The following RAD51B variants were observed in gnomAD, a reference collection of about 807,000 sequenced individuals.
The protein encoded by RAD51B is RAD51 paralog B.
In RAD51B, 38 loss-of-function variants were observed where a neutral mutation model predicts 42.2. That is an observed-to-expected ratio of 0.90 (90% CI 0.70 to 1.18). The LOEUF (loss-of-function observed/expected upper bound fraction) is 1.18. Ranked by LOEUF, RAD51B falls within the 50% of genes most tolerant of loss-of-function variation. The pLI, the probability that RAD51B is intolerant of heterozygous loss-of-function variation, is 0.00. For missense variants in RAD51B, 373 were observed against 400.7 expected (o/e 0.93, Z 0.59); for synonymous variants, 154 against 145.2 (o/e 1.06, Z -0.43).
At chr14:68,556,020 A>G (rs1888824955) in intron 10 of RAD51B, among the ~76,000 whole-genome samples, 2 of 152,288 alleles carry the variant, frequency 1.3e-5, no homozygotes, top group South Asian at 4.1e-4. Flanking sequence ...ATAGAAGGGA[A>G]GAGAAGAAGG....
intron 10 of RAD51B, among the ~76,000 whole-genome samples, chr14:68,474,729 G>A (rs1025734174): frequency 6.6e-6 from 1 of 152,180 alleles, no homozygotes; most frequent in African/African-American, 2.4e-5. Context: ...GATACTTCAG[G>A]CCTGTCCTGA....
chr14:68,473,258 C>A (rs1156593003), intron 10 of RAD51B, among the ~76,000 whole-genome samples: 1 of 152,214 alleles, frequency 6.6e-6, no homozygotes, highest in Admixed American at 6.5e-5. Context: ...CTCAATGGAG[C>A]AAAGAGAGTG....
chr14:68,241,114 G>A (rs909296962), intron 7 of RAD51B, among the ~76,000 whole-genome samples: 1 of 152,182 alleles, frequency 6.6e-6, no homozygotes, highest in Admixed American at 6.5e-5. Flanking sequence ...TCTGGGAGGC[G>A]GAGAAACCCA....
At chr14:68,612,230 C>A (rs1891706358), downstream of RAD51B, among the ~76,000 whole-genome samples, 1 of 152,218 alleles carries the variant, frequency 6.6e-6, no homozygotes, top group Admixed American at 6.5e-5. Context: ...CCAGCTGTCT[C>A]AATGGGGCCC....
At chr14:68,037,704 C>G (rs1257472703) in intron 7 of RAD51B, among the ~76,000 whole-genome samples, 1 of 152,228 alleles carries the variant, frequency 6.6e-6, no homozygotes, top group East Asian at 1.9e-4. Flanking sequence ...CCTCCAACAT[C>G]TCCAGTTGGT....
intron 7 of RAD51B, among the ~76,000 whole-genome samples, chr14:68,058,410 C>G (rs2076515118): frequency 6.6e-6 from 1 of 152,126 alleles, no homozygotes; most frequent in Non-Finnish European, 1.5e-5. Flanking sequence ...TTTTAAAAGT[C>G]TCTCTGCCAT....
intron 10 of RAD51B, among the ~76,000 whole-genome samples, chr14:68,617,729 T>G (rs1205472629): frequency 6.6e-6 from 1 of 152,236 alleles, no homozygotes; most frequent in Non-Finnish European, 1.5e-5. Context: ...TGTATTTTCT[T>G]TATCTCATGG....
intron 10 of RAD51B, among the ~76,000 whole-genome samples, chr14:68,648,115 A>ATATATACGTGTGTG (rs1566963581): frequency 1.7e-4 from 14 of 81,266 alleles, no homozygotes; most frequent in Admixed American, 8.9e-4. Flanking sequence ...ACACACACGT[A>ATATATACGTGTGTG]TATATATATA....
chr14:68,147,066 G>A (rs574870463), intron 7 of RAD51B, among the ~76,000 whole-genome samples: 1 of 152,164 alleles, frequency 6.6e-6, no homozygotes, highest in East Asian at 1.9e-4. Context: ...TGAAATAGTT[G>A]TGGTGGCAAA....
At chr14:68,261,122 A>C (rs1391134115) in intron 7 of RAD51B, among the ~76,000 whole-genome samples, 1 of 152,192 alleles carries the variant, frequency 6.6e-6, no homozygotes, top group Non-Finnish European at 1.5e-5. Flanking sequence ...GCACCTCCTC[A>C]AGGCTGTGTG....
At chr14:67,896,550 T>C (rs2043425462) in intron 7 of RAD51B, among the ~76,000 whole-genome samples, 2 of 152,238 alleles carry the variant, frequency 1.3e-5, no homozygotes, top group Non-Finnish European at 2.9e-5. Context: ...TTCTATGTTA[T>C]GATTTTTAAC....
intron 4 of RAD51B, among the ~76,000 whole-genome samples, chr14:67,856,556 G>T (rs978821956): frequency 6.6e-6 from 1 of 152,106 alleles, no homozygotes; most frequent in Non-Finnish European, 1.5e-5. Context: ...ACTGGTTTCA[G>T]ATCAGAGCCA....
chr14:68,293,796 A>T (rs1406223940), intron 8 of RAD51B, among the ~76,000 whole-genome samples: 2 of 152,196 alleles, frequency 1.3e-5, no homozygotes, highest in Admixed American at 1.3e-4. Context: ...TTAACTTTTC[A>T]TGTTTTTCTG....
intron 7 of RAD51B, among the ~76,000 whole-genome samples, chr14:68,235,055 C>T (rs916537479): frequency 1.3e-5 from 2 of 151,978 alleles, no homozygotes; most frequent in Non-Finnish European, 2.9e-5. Context: ...AAAGAGTACA[C>T]TGTAAAATAA....
At chr14:68,086,571 C>T (rs888363026) in intron 7 of RAD51B, among the ~76,000 whole-genome samples, 1 of 152,010 alleles carries the variant, frequency 6.6e-6, no homozygotes, top group Non-Finnish European at 1.5e-5. Flanking sequence ...GTATGGGATG[C>T]AGGGAGGGCA....
chr14:67,853,507 G>C (rs369895933), intron 4 of RAD51B, among the ~76,000 whole-genome samples: 1 of 152,178 alleles, frequency 6.6e-6, no homozygotes, highest in African/African-American at 2.4e-5. Context: ...TGTTCAAGCT[G>C]CCAAGTTTGT....
chr14:67,911,367 A>T (rs1447553372), intron 7 of RAD51B, among the ~76,000 whole-genome samples: 3 of 152,226 alleles, frequency 2.0e-5, no homozygotes, highest in African/African-American at 7.2e-5. Flanking sequence ...GGATCCCCAG[A>T]TAAGTCATAT....
intron 7 of RAD51B, among the ~76,000 whole-genome samples, chr14:68,093,516 A>C (rs1220341881): frequency 6.6e-6 from 1 of 152,084 alleles, no homozygotes; most frequent in Non-Finnish European, 1.5e-5. Flanking sequence ...CTCTGATGTT[A>C]GTTTGTATTT....
At chr14:68,637,405 A>T (rs1892363181) in intron 10 of RAD51B, among the ~76,000 whole-genome samples, 1 of 152,188 alleles carries the variant, frequency 6.6e-6, no homozygotes, top group African/African-American at 2.4e-5. Flanking sequence ...GACTGAATAA[A>T]TAGTATGAGG....
Sources: gnomAD v4.1 joint callset for allele counts (sites outside exome capture counted in the v4.1 genomes callset) on GRCh38, gnomAD v4.1.1 for gene constraint, MANE v1.5 for transcripts, NCBI Gene and HGNC (gene_info 2026-07-23, HGNC 2026-07-21) for gene names.